The following LRP2 variants were observed in gnomAD, a reference collection of about 807,000 sequenced individuals.
LRP2 encodes the protein low-density lipoprotein receptor-related protein 2.
LRP2 carries 172 observed loss-of-function variants against 531.0 expected under a neutral mutation model. The observed-to-expected ratio is 0.32, with a 90% CI of 0.29 to 0.37. LRP2 has a LOEUF of 0.37. LRP2 is among the 10% of genes least tolerant of loss of function. The pLI, the probability that LRP2 is intolerant of heterozygous loss-of-function variation, is 1.00. For missense variants in LRP2, 5,167 were observed against 5,868.3 expected, an observed-to-expected ratio of 0.88 and a Z score of 3.90; for synonymous variants, 1,992 against 2,027.6, an observed-to-expected ratio of 0.98 and a Z score of 0.47.
At chr2:169,276,613 G>A (rs1683561186) in intron 13 of LRP2, among the ~76,000 whole-genome samples, 1 of 151,940 alleles carries the variant, frequency 6.6e-6, no homozygotes, top group African/African-American at 2.4e-5. Flanking sequence ...TTGTCCCAAG[G>A]ATATATAATC....
At chr2:169,146,097 G>C (rs1467684785) in intron 69 of LRP2, among the ~76,000 whole-genome samples, 174 bp from the exon 70 acceptor site, 2 of 152,188 alleles carry the variant, frequency 1.3e-5, no homozygotes, top group Admixed American at 1.3e-4. Flanking sequence ...CTGTGAAAGT[G>C]TGCTGCATTA....
intron 1 of LRP2, among the ~76,000 whole-genome samples, chr2:169,360,345 T>C (rs1458400744): frequency 6.6e-6 from 1 of 152,114 alleles, no homozygotes; most frequent in Non-Finnish European, 1.5e-5. Context: ...TGAAGATTAA[T>C]TGAGTCAATA....
Position 169,185,977 on chromosome 2 carries a change from T to A in LRP2, c.9371A>T (p.His3124Leu), listed in dbSNP as rs1353903270. The change falls in exon 50 of 79, where the codon CAC becomes CTC. Residue 3124 changes from histidine to leucine, a missense_variant. By Grantham distance (99) the His-to-Leu change is moderately conservative (BLOSUM62 -3). Transcript: ENST00000649046. ...CHDPSISGCDHNCTDTLTSFY... is the reference protein window; with the variant it reads ...CHDPSISGCDLNCTDTLTSFY... ...ACTGGTTAAGGTGTCTGTGCAGTTG[T>A]GATCGCAGCCACTGATTGAAGGGTC... is the stretch of plus-strand genomic sequence containing the variant. 1 of 1,613,836 alleles carries A rather than the reference T, an allele frequency of 6.2e-7. No individual in the cohort carries two copies. Among genetic ancestry groups the A allele is most frequent in the Non-Finnish European group, 8.5e-7 (1 of 1,179,974 alleles).
chr2:169,274,125 C>A (rs1683492102), intron 14 of LRP2, among the ~76,000 whole-genome samples: 1 of 152,114 alleles, frequency 6.6e-6, no homozygotes, highest in Non-Finnish European at 1.5e-5. Flanking sequence ...AGTTTTAGAG[C>A]AAATCTGTTT....
In LRP2 at chr2:169,243,502, G is replaced by A; in HGVS notation, c.3451C>T (p.Pro1151Ser). 6.2e-7 allele frequency: 1 copy of A among 1,614,094 alleles called. No individual in the cohort carries two copies. Among genetic ancestry groups the A allele is most frequent in the Non-Finnish European group, 8.5e-7 (1 of 1,179,988 alleles). The change falls in exon 23 of 79, where the codon CCT becomes TCT. Residue 1151 changes from proline to serine, a missense_variant. Coordinates refer to ENST00000649046, the MANE Select transcript of LRP2 (RefSeq NM_004525.3). ...KNCNSTETCQ[P>S]SQFNCPNHRC... Reference sequence around the variant, plus strand: ...TGATTGGGGCAATTAAACTGACTAGGTTGGCATGTCTCTGTCGAATCTAAT... The same window carrying A: ...TGATTGGGGCAATTAAACTGACTAGATTGGCATGTCTCTGTCGAATCTAAT...
At chr2:169,283,680 A>G (rs1683766690) in intron 9 of LRP2, among the ~76,000 whole-genome samples, 3 of 152,208 alleles carry the variant, frequency 2.0e-5, no homozygotes, top group Admixed American at 1.3e-4. Flanking sequence ...CCAAAATTAA[A>G]TTGAACTTAT....
chr2:169,226,930 C>A (rs1031167993), intron 31 of LRP2, among the ~76,000 whole-genome samples: 2 of 151,300 alleles, frequency 1.3e-5, no homozygotes, highest in African/African-American at 4.9e-5. Context: ...TACACACAGA[C>A]AAACCTCACT....
At chr2:169,245,881 T>C (rs1395842739) in intron 21 of LRP2, among the ~76,000 whole-genome samples, 1 of 152,222 alleles carries the variant, frequency 6.6e-6, no homozygotes, top group Admixed American at 6.5e-5. Context: ...TTTGTTTGCT[T>C]ATTTTTTTGA....
intron 1 of LRP2, among the ~76,000 whole-genome samples, chr2:169,350,723 CA>C (rs35301449): frequency 0.25 from 17,122 of 67,244 alleles, 755 homozygotes; most frequent in Middle Eastern, 0.34. Context: ...GACTCCATCG[CA>C]AAAAAAAAAA....
At chr2:169,243,340 T>C (rs560591593) in intron 23 of LRP2, 63 bp downstream of exon 23, 92 of 1,594,036 alleles carry the variant, frequency 5.8e-5, no homozygotes, top group East Asian at 4.7e-4. Flanking sequence ...CCTGTGTCCA[T>C]GTGTTAACAC....
chr2:169,319,153 T>A (rs937340382), intron 2 of LRP2, among the ~76,000 whole-genome samples: 1 of 152,076 alleles, frequency 6.6e-6, no homozygotes, highest in Non-Finnish European at 1.5e-5. Context: ...CACAAAAAAA[T>A]TATGATAAAG....
At chr2:169,346,316 A>G (rs548261629) in intron 1 of LRP2, among the ~76,000 whole-genome samples, 1 of 152,296 alleles carries the variant, frequency 6.6e-6, no homozygotes, top group South Asian at 2.1e-4. Flanking sequence ...TAAACCATGC[A>G]TTTTGTTTTT....
intron 1 of LRP2, among the ~76,000 whole-genome samples, chr2:169,344,671 T>G (rs1267239164): frequency 6.6e-6 from 1 of 152,162 alleles, no homozygotes; most frequent in Middle Eastern, 3.2e-3. Flanking sequence ...TCATCGAGTT[T>G]TAACTTAGAA....
chr2:169,278,627 T>A (rs944616176), intron 12 of LRP2, among the ~76,000 whole-genome samples: 2 of 152,240 alleles, frequency 1.3e-5, no homozygotes, highest in Non-Finnish European at 2.9e-5. Flanking sequence ...CAGTTTTCCA[T>A]TCTGAGGCAC....
At chr2:169,303,181 T>G (rs191512754) in intron 4 of LRP2, among the ~76,000 whole-genome samples, 1 of 152,156 alleles carries the variant, frequency 6.6e-6, no homozygotes, top group African/African-American at 2.4e-5. Flanking sequence ...GCTTCTTTTG[T>G]ATATGTTAAA....
chr2:169,350,525 A>G (rs1019778660), intron 1 of LRP2, among the ~76,000 whole-genome samples: 1 of 151,894 alleles, frequency 6.6e-6, no homozygotes, highest in Non-Finnish European at 1.5e-5. Context: ...GGAGTTTGAG[A>G]CCAGCCTGAC....
chr2:169,360,613 A>G (rs1328111424), intron 1 of LRP2, among the ~76,000 whole-genome samples: 1 of 152,212 alleles, frequency 6.6e-6, no homozygotes, highest in Non-Finnish European at 1.5e-5. Context: ...AACATATAGT[A>G]AATCCTATAG....
intron 16 of LRP2, among the ~76,000 whole-genome samples, chr2:169,270,560 C>A (rs1338757954): frequency 3.5e-5 from 5 of 143,300 alleles, no homozygotes; most frequent in African/African-American, 1.3e-4. Context: ...GAACAATGAG[C>A]ACACATGGAC....
chr2:169,233,816 G>A (rs1689502590), intron 29 of LRP2, among the ~76,000 whole-genome samples: 1 of 152,180 alleles, frequency 6.6e-6, no homozygotes, highest in Admixed American at 6.5e-5. Context: ...TACTCTTTAT[G>A]TTTGCCTTGG....
Sources: gnomAD v4.1 joint callset for allele counts (sites outside exome capture counted in the v4.1 genomes callset) on GRCh38, gnomAD v4.1.1 for gene constraint, MANE v1.5 for transcripts, NCBI Gene and HGNC (gene_info 2026-07-23, HGNC 2026-07-21) for gene names.